Variants in ADGRL3 observed in about 807,000 individuals in gnomAD.
The protein encoded by ADGRL3 is adhesion G protein-coupled receptor L3.
Under a neutral mutation model 153.5 loss-of-function variants are expected in ADGRL3, and 62 were observed. The observed-to-expected ratio is 0.40, with a 90% CI of 0.33 to 0.50. The LOEUF is 0.50. Ranked by LOEUF, ADGRL3 falls within the 20% of genes least tolerant of loss-of-function variation. ADGRL3 has a pLI of 0.47. For missense variants in ADGRL3, 1,641 were observed against 1,859.4 expected (o/e 0.88, Z 2.16); for synonymous variants, 710 against 672.5 (o/e 1.06, Z -0.86).
Position 62,006,032 on chromosome 4 carries a change from A to ATTTTTTT in ADGRL3, c.3395+7776_3395+7782dup, listed in dbSNP as rs1553908051. The stretch of plus-strand genomic sequence containing the variant: ...TATATATATATATATATATATATAT[A>ATTTTTTT]TTTTTTTTTTTTTTTGAGAAAGGGT... On this transcript the variant is annotated intron_variant, in intron 21 of 26. Transcript: ENST00000683033. Among the ~76,000 whole-genome samples, 14 of 73,088 alleles carry ATTTTTTT rather than the reference A, an allele frequency of 1.9e-4. 2 individuals carry two copies. The highest frequency in any genetic ancestry group is 5.5e-4 in the African/African-American group (11 of 20,158). The allele number at this position is 73,088 out of a possible 152,430, so 47.9% of individuals were successfully genotyped here.
intron 1 of ADGRL3, among the ~76,000 whole-genome samples, chr4:61,373,354 G>A (rs1344691180): frequency 2.6e-5 from 4 of 151,836 alleles, no homozygotes; most frequent in Non-Finnish European, 5.9e-5. Flanking sequence ...CATATAATTT[G>A]AAATAGTATC....
chr4:61,734,900 A>G (rs145663820), intron 8 of ADGRL3, among the ~76,000 whole-genome samples: 5 of 152,292 alleles, frequency 3.3e-5, no homozygotes, highest in Admixed American at 1.3e-4. Flanking sequence ...GGCATTTAAC[A>G]TTTTCAGCAG....
Position 61,275,855 on chromosome 4 carries a change from A to T in ADGRL3, c.-240+74090A>T, listed in dbSNP as rs531598860. 2.2e-4 allele frequency among the ~76,000 whole-genome samples: 34 copies of T among 152,336 alleles called. No individual in the cohort carries two copies. The South Asian group carries it at 6.8e-3, about 31-fold the overall frequency. On this transcript the variant is annotated intron_variant, in intron 1 of 26. Transcript: ENST00000683033. ...TGTTGAATCTATTTATTCTCTTAAA[A>T]ATAAAAGTAGAAAACTAAATAAAGA...
intron 1 of ADGRL3, among the ~76,000 whole-genome samples, chr4:61,331,228 A>C (rs1240162501): frequency 6.6e-6 from 1 of 152,178 alleles, no homozygotes; most frequent in Non-Finnish European, 1.5e-5. Context: ...CCTATACGTA[A>C]ATTTTAAGAT....
At chr4:62,037,339 C>T (rs1725611523) in intron 23 of ADGRL3, among the ~76,000 whole-genome samples, 1 of 152,094 alleles carries the variant, frequency 6.6e-6, no homozygotes, top group African/African-American at 2.4e-5. Flanking sequence ...AAGTAGGCTT[C>T]TACCTAAAGA....
chr4:61,372,058 C>G (rs868595380), intron 1 of ADGRL3, among the ~76,000 whole-genome samples: 1 of 152,104 alleles, frequency 6.6e-6, no homozygotes, highest in Non-Finnish European at 1.5e-5. Context: ...ACGTAGTTCT[C>G]GAGCCTTGGT....
At chr4:61,262,522 C>T (rs1241481987) in intron 1 of ADGRL3, among the ~76,000 whole-genome samples, 2 of 152,154 alleles carry the variant, frequency 1.3e-5, no homozygotes, top group African/African-American at 2.4e-5. Context: ...TATTAGCATT[C>T]GTCATTCTCG....
chr4:61,705,006 A>G (rs960296747), intron 6 of ADGRL3, among the ~76,000 whole-genome samples: 4 of 152,212 alleles, frequency 2.6e-5, no homozygotes, highest in African/African-American at 9.6e-5. Context: ...AAAGTCATGC[A>G]TGAAAGTTGA....
chr4:61,814,121 T>C (rs1263247814), intron 9 of ADGRL3, among the ~76,000 whole-genome samples: 8 of 152,144 alleles, frequency 5.3e-5, no homozygotes. Context: ...AATCAGTATT[T>C]ATAGTGATTC....
At position 61,606,799 on chromosome 4, in the gene ADGRL3, T is replaced by C. The variant is rs537272156; in HGVS notation, c.473+19359T>C. ...TTAGGAGAGTCCCTGTCTTGCATAA[T>C]GAGGATAGAATTAAGGGGAAAATAA... On this transcript the variant is annotated intron_variant, in intron 5 of 26. Coordinates refer to ENST00000683033, the MANE Select transcript of ADGRL3 (RefSeq NM_001387552.1). 7.2e-5 allele frequency among the ~76,000 whole-genome samples: 11 copies of C among 152,042 alleles called. No individual in the cohort carries two copies. The East Asian group carries it at 1.5e-3, about 21-fold the overall frequency.
chr4:61,604,422 C>T (rs578195591), intron 5 of ADGRL3, among the ~76,000 whole-genome samples: 1 of 152,104 alleles, frequency 6.6e-6, no homozygotes, highest in South Asian at 2.1e-4. Context: ...ATAAAAGGTG[C>T]AAAGAAATAC....
intron 11 of ADGRL3, among the ~76,000 whole-genome samples, chr4:61,898,520 G>C (rs2098644640): frequency 6.6e-6 from 1 of 152,078 alleles, no homozygotes; most frequent in South Asian, 2.1e-4. Flanking sequence ...CAGGCTTGAG[G>C]AGATGGTGTC....
intron 1 of ADGRL3, among the ~76,000 whole-genome samples, chr4:61,301,064 A>C (rs2094569003): frequency 6.6e-6 from 1 of 152,318 alleles, no homozygotes; most frequent in African/African-American, 2.4e-5. Context: ...CGCCAGTCCA[A>C]GAATGAGTTT....
At chr4:61,794,567 C>A (rs769068879) in intron 8 of ADGRL3, among the ~76,000 whole-genome samples, 1 of 152,134 alleles carries the variant, frequency 6.6e-6, no homozygotes, top group African/African-American at 2.4e-5. Context: ...ATCTGTACAG[C>A]CATGATTCAT....
intron 1 of ADGRL3, among the ~76,000 whole-genome samples, chr4:61,366,536 T>C (rs1464058731): frequency 6.6e-6 from 1 of 152,198 alleles, no homozygotes; most frequent in African/African-American, 2.4e-5. Flanking sequence ...CTTCATCACT[T>C]AGTATATAGC....
intron 2 of ADGRL3, among the ~76,000 whole-genome samples, chr4:61,486,376 GTCACTAGA>G (rs1428701067): frequency 6.6e-6 from 1 of 152,038 alleles, no homozygotes; most frequent in Non-Finnish European, 1.5e-5. Context: ...AACACACATT[GTCACTAGA>G]TGCGATATAT....
chr4:61,372,457 C>A (rs1227656270), intron 1 of ADGRL3, among the ~76,000 whole-genome samples: 1 of 151,976 alleles, frequency 6.6e-6, no homozygotes, highest in Non-Finnish European at 1.5e-5. Flanking sequence ...CAGACAGGAC[C>A]CTCAGCTGCA....
At chr4:61,807,226 G>A (rs1435737786) in intron 8 of ADGRL3, among the ~76,000 whole-genome samples, 1 of 152,018 alleles carries the variant, frequency 6.6e-6, no homozygotes, top group Non-Finnish European at 1.5e-5. Flanking sequence ...AATTAGTAAT[G>A]AGGGAATTAA....
chr4:61,451,892 CAG>C (rs2097679027), intron 2 of ADGRL3, among the ~76,000 whole-genome samples: 1 of 152,130 alleles, frequency 6.6e-6, no homozygotes, highest in South Asian at 2.1e-4. Flanking sequence ...GATATGATAA[CAG>C]AGAGACCAGA....
Sources: allele counts gnomAD v4.1 joint callset (sites outside exome capture counted in the v4.1 genomes callset), GRCh38; gene constraint gnomAD v4.1.1; transcripts MANE v1.5; gene names NCBI Gene and HGNC (gene_info 2026-07-23, HGNC 2026-07-21).